The following TMEM259 variants were observed in gnomAD, a reference collection of about 807,000 sequenced individuals.
The protein encoded by TMEM259 is transmembrane protein 259, also known as membralin.
A neutral mutation model predicts 46.7 loss-of-function variants in TMEM259; 26 were observed. The observed-to-expected ratio is 0.56, with a 90% CI of 0.41 to 0.77. The LOEUF (loss-of-function observed/expected upper bound fraction) is 0.77, where lower values mean the gene tolerates loss of function less well. Among genes scored for constraint, TMEM259 ranks in the 30% least tolerant of loss-of-function variants. The pLI is 0.00. For synonymous variants in TMEM259, 494 were observed against 395.1 expected, an observed-to-expected ratio of 1.25 and a Z score of -2.97; for missense variants, 930 against 900.5, an observed-to-expected ratio of 1.03 and a Z score of -0.42.
At chr19:1,019,901 C>T (rs942847083) in intron 1 of TMEM259, among the ~76,000 whole-genome samples, 1 of 152,178 alleles carries the variant, frequency 6.6e-6, no homozygotes. Context: ...TGCTACTGAG[C>T]CCCTCTTGTC....
intron 1 of TMEM259, among the ~76,000 whole-genome samples, chr19:1,016,683 A>T (rs903641604): frequency 3.3e-5 from 5 of 152,172 alleles, no homozygotes; most frequent in Non-Finnish European, 7.4e-5. Flanking sequence ...TGCTGAGGTC[A>T]CATGGCCAGG....
Position 1,012,543 on chromosome 19 carries a change from T to C in TMEM259, c.638A>G (p.Tyr213Cys). The change falls in exon 4 of 11, where the codon TAC becomes TGC. Residue 213 changes from tyrosine to cysteine, a missense_variant. Physicochemically the swap from Tyr to Cys is radical, Grantham distance 194. Coordinates refer to ENST00000356663, the MANE Select transcript of TMEM259 (RefSeq NM_001033026.2). The stretch of plus-strand genomic sequence containing the variant: ...GCGAAGGAAGCCATACTCTAGTGAG[T>C]ACTCCACGATGTACTCGTCCTGCGG... ...VWPQDEYIVE[Y>C]SLEYGFLRLS... 2 of 1,597,478 alleles carry C rather than the reference T, an allele frequency of 1.3e-6. No individual in the cohort carries two copies. The highest frequency in any genetic ancestry group is 1.7e-6 in the Non-Finnish European group (2 of 1,173,182).
chr19:1,014,189 C>G lies in TMEM259; in HGVS notation c.507+3G>C, dbSNP rs112216151. The G allele has an allele frequency of 1.2e-6, 2 of 1,601,144 alleles. No individual in the cohort carries two copies. Among genetic ancestry groups the G allele is most frequent in the South Asian group, 2.2e-5 (2 of 90,772 alleles). On this transcript the variant is annotated splice_donor_region_variant and intron_variant, in intron 2 of 10. Coordinates refer to ENST00000356663, the MANE Select transcript of TMEM259 (RefSeq NM_001033026.2). ...GCTGCAGCTGAGCCCAGGCCTGGCT[C>G]ACCTTGATGGAGCTGTTCCCAAACA...
At chr19:1,012,809 G>A (rs1378758689) in intron 3 of TMEM259, among the ~76,000 whole-genome samples, 2 of 152,180 alleles carry the variant, frequency 1.3e-5, no homozygotes, top group Admixed American at 1.3e-4. Context: ...CCCTCTCCCT[G>A]GCTGGGGCTG....
At chr19:1,019,621 C>T (rs963021531) in intron 1 of TMEM259, among the ~76,000 whole-genome samples, 2 of 152,180 alleles carry the variant, frequency 1.3e-5, no homozygotes, top group African/African-American at 4.8e-5. Context: ...GTCCGCAGGA[C>T]GGCCAAGGTC....
In TMEM259 at chr19:1,013,242, T is replaced by C. The variant is rs1379959272; in HGVS notation, c.606A>G (p.Lys202=). The change falls in exon 3 of 11, where the codon AAA becomes AAG. Residue 202 remains lysine (K), a splice_region_variant and synonymous_variant. Coordinates refer to ENST00000356663, the MANE Select transcript of TMEM259 (RefSeq NM_001033026.2). ...QEFPFPETPT[K]VWPQDEYIVE... is the part of the protein sequence containing the mutation. ...GTACACCTTTGGTGGGTGGCCTACC[T>C]TTGGTGGGCGTCTCGGGGAAGGGGA... is the stretch of plus-strand genomic sequence containing the variant. The C allele has an allele frequency of 6.2e-7, 1 of 1,613,214 alleles. No homozygotes were observed. The highest frequency in any genetic ancestry group is 8.5e-7 in the Non-Finnish European group (1 of 1,179,302).
intron 3 of TMEM259, 136 bp from the exon 4 acceptor site, chr19:1,012,709 C>A: frequency 5.9e-6 from 7 of 1,195,776 alleles, no homozygotes; most frequent in Non-Finnish European, 6.9e-6. Flanking sequence ...CTGGGAGGAC[C>A]CCTACATGGA....
intron 2 of TMEM259, 53 bp from the exon 3 acceptor site, chr19:1,013,393 GC>G: frequency 6.4e-7 from 1 of 1,567,486 alleles, no homozygotes; most frequent in Non-Finnish European, 8.8e-7. Context: ...GGCTGTGAGG[GC>G]CCAGCCTGAG....
chr19:1,014,287 G>C lies in TMEM259; in HGVS notation c.412C>G (p.Pro138Ala), dbSNP rs1184115609. The C allele has an allele frequency of 7.4e-6, 12 of 1,612,892 alleles. No individual in the cohort carries two copies. Among genetic ancestry groups the C allele is most frequent in the Non-Finnish European group, 9.3e-6 (11 of 1,179,830 alleles). The change falls in exon 2 of 11, where the codon CCG becomes GCG. Residue 138 changes from proline to alanine, a missense_variant. Pro to Ala is a conservative substitution (Grantham distance 27, BLOSUM62 -1). Coordinates refer to ENST00000356663, the MANE Select transcript of TMEM259 (RefSeq NM_001033026.2). The part of the protein sequence containing the change: ...FCDSGGRGSF[P>A]GLAVEPGSNL... ...CTGCCTGGTTCCACGGCCAGGCCCG[G>C]GAAGCTCCCGCGGCCGCCGCTGTCA...
intron 1 of TMEM259, among the ~76,000 whole-genome samples, chr19:1,015,951 T>G (rs1360301834): frequency 6.6e-6 from 1 of 152,202 alleles, no homozygotes; most frequent in Non-Finnish European, 1.5e-5. Flanking sequence ...GCCCTGAGTC[T>G]GAGCACGGAT....
At chr19:1,012,733 G>A (rs1283148203) in intron 3 of TMEM259, among the ~76,000 whole-genome samples, 160 bp from the exon 4 acceptor site, 1 of 152,162 alleles carries the variant, frequency 6.6e-6, no homozygotes, top group Non-Finnish European at 1.5e-5. Context: ...TTGGGATGGT[G>A]CCCACTCAAG....
In TMEM259 at chr19:1,011,125, C is replaced by T. The variant is rs905553206; in HGVS notation, c.1288G>A (p.Ala430Thr). The T allele has an allele frequency of 3.7e-6, 6 of 1,602,050 alleles. No individual in the cohort carries two copies. The highest frequency in any genetic ancestry group is 1.3e-5 in the African/African-American group (1 of 74,586). ...YRFNGQYSSL[A>T]LVTSWLFIQH... ...ATGAAGAGCCAGGAGGTGACCAGGG[C>T]CAGGCTGCTATACTGCCCATTGAAG... is the stretch of plus-strand genomic sequence containing the variant. The change falls in exon 10 of 11, where the codon GCC (alanine) becomes ACC (threonine). Residue 430 changes from alanine to threonine, a missense_variant. By Grantham distance (58) the Ala-to-Thr change is moderately conservative (BLOSUM62 0). Coordinates refer to ENST00000356663, the MANE Select transcript of TMEM259 (RefSeq NM_001033026.2).
chr19:1,012,906 T>TG (rs2038984560), intron 3 of TMEM259, among the ~76,000 whole-genome samples: 1 of 152,036 alleles, frequency 6.6e-6, no homozygotes, highest in Non-Finnish European at 1.5e-5. Flanking sequence ...ATAGACCCTC[T>TG]GCTGCCAGAT....
In TMEM259 at chr19:1,020,372, G is replaced by A. The variant is rs2039251151; in HGVS notation, c.225+400C>T. ...GAGGGTCTCAGGCGGCACAGTCAGG[G>A]GTCAAAGGGCGGGAGGTGCTACCTC... is the stretch of plus-strand genomic sequence containing the variant. On this transcript the variant is annotated intron_variant, in intron 1 of 10. Coordinates refer to ENST00000356663, the MANE Select transcript of TMEM259 (RefSeq NM_001033026.2). This position sits in a 1 kb window ranked among gnomAD's most constrained non-coding sequence, Gnocchi z 4.0. Among the ~76,000 whole-genome samples the A allele has an allele frequency of 6.6e-6, 1 of 151,970 alleles. No individual in the cohort carries two copies. The highest frequency in any genetic ancestry group is 2.4e-5 in the African/African-American group (1 of 41,356).
At position 1,017,971 on chromosome 19, in the gene TMEM259, C is replaced by T. The variant is rs114257616; in HGVS notation, c.225+2801G>A. Among the ~76,000 whole-genome samples, 718 of 152,306 alleles carry T rather than the reference C, an allele frequency of 4.7e-3. 6 individuals carry two copies. Among genetic ancestry groups the T allele is most frequent in the African/African-American group, 0.017 (687 of 41,572 alleles). ...CAGGTCCCCCATTCAGAGCAGGGCC[C>T]CTGGGGTCTCACATACCCCGTCTTT... On this transcript the variant is annotated intron_variant, in intron 1 of 10. Coordinates refer to ENST00000356663, the MANE Select transcript of TMEM259 (RefSeq NM_001033026.2).
chr19:1,020,911 G>C lies in TMEM259; in HGVS notation c.86C>G (p.Thr29Ser). The change falls in exon 1 of 11, where the codon ACC (threonine) becomes AGC (serine). Residue 29 changes from threonine (T) to serine (S), a missense_variant. Coordinates refer to ENST00000356663, the MANE Select transcript of TMEM259 (RefSeq NM_001033026.2). The surrounding 1 kb of genome is among the most constrained non-coding windows in gnomAD (Gnocchi z 4.0). ...GGPAPARGPR[T>S]PNLNPNPLIN... Reference sequence around the variant, plus strand: ...GAGGGGGTTGGGGTTGAGATTGGGGGTGCGAGGCCCGCGCGCGGGGGCCGG... The same window carrying C: ...GAGGGGGTTGGGGTTGAGATTGGGGCTGCGAGGCCCGCGCGCGGGGGCCGG... The C allele has an allele frequency of 7.8e-7, 1 of 1,277,522 alleles. No homozygotes were observed. Among genetic ancestry groups the C allele is most frequent in the Non-Finnish European group, 9.9e-7 (1 of 1,010,792 alleles). The allele number at this position is 1,277,522 out of a possible 1,614,324, so 79.1% of individuals were successfully genotyped here. A position where few individuals can be genotyped will look rare whatever the true frequency, so the allele number is the denominator to read the frequency against.
At position 1,009,908 on chromosome 19, in the gene TMEM259, C is replaced by T; in HGVS notation, c.*442G>A. On this transcript the variant is annotated 3_prime_UTR_variant, in exon 11 of 11. Transcript: ENST00000356663. ...AAGCCTGGCGCACACGCGGGGAGGG[C>T]GGGGCCATGGAGAAGGCACTGCAGG... The T allele has an allele frequency of 2.9e-6, 1 of 348,658 alleles. No homozygotes were observed. The highest frequency in any genetic ancestry group is 7.0e-5 in the South Asian group (1 of 14,352). 21.6% of individuals were successfully genotyped at this position (348,658 alleles called of 1,614,324 possible).
In TMEM259 at chr19:1,011,595, T is replaced by A; in HGVS notation, c.1069A>T (p.Ile357Phe). Residue 357 changes from isoleucine (I) to phenylalanine (F), a missense_variant, in exon 8 of 11, where the codon ATC becomes TTC. Transcript: ENST00000356663. ...AFPAAPLLTV[I>F]LALVGMEAIM... Reference sequence around the variant, plus strand: ...GGGTCCTCACCGACGAGGGCCAGGATGACGGTCAGCAGGGGCGCTGCGGGG... The same window carrying A: ...GGGTCCTCACCGACGAGGGCCAGGAAGACGGTCAGCAGGGGCGCTGCGGGG... The A allele has an allele frequency of 6.5e-7, 1 of 1,544,620 alleles. No homozygotes were observed. Among genetic ancestry groups the A allele is most frequent in the Non-Finnish European group, 8.7e-7 (1 of 1,145,350 alleles).
chr19:1,013,818 G>T (rs564002165), intron 2 of TMEM259, among the ~76,000 whole-genome samples: 248 of 152,324 alleles, frequency 1.6e-3, no homozygotes, highest in African/African-American at 5.5e-3. Context: ...ACCTCAGGAC[G>T]GCCAGGATGG....
Sources: allele counts gnomAD v4.1 joint callset (sites outside exome capture counted in the v4.1 genomes callset), GRCh38; gene constraint gnomAD v4.1.1; non-coding constraint Gnocchi (gnomAD v3.1); transcripts MANE v1.5; gene names NCBI Gene and HGNC (gene_info 2026-07-23, HGNC 2026-07-21).